The following PLEKHG3 variants were observed in gnomAD, a reference collection of about 807,000 sequenced individuals.
PLEKHG3 encodes the protein pleckstrin homology domain-containing family G member 3.
In PLEKHG3, 62 loss-of-function variants were observed where a neutral mutation model predicts 94.9. That is an observed-to-expected ratio of 0.65 (90% CI 0.53 to 0.81). PLEKHG3 has a LOEUF of 0.81. Among genes scored for constraint, PLEKHG3 ranks in the 30% least tolerant of loss-of-function variants. PLEKHG3 has a pLI of 0.00. For synonymous variants in PLEKHG3, 614 were observed against 654.0 expected (o/e 0.94, Z 0.93); for missense variants, 1,461 against 1,619.3 (o/e 0.90, Z 1.68).
Position 64,730,142 on chromosome 14 carries a change from G to C in PLEKHG3, c.450-101G>C. 2.9e-6 allele frequency: 2 copies of C among 681,070 alleles called. No individual in the cohort carries two copies. The highest frequency in any genetic ancestry group is 5.2e-6 in the Non-Finnish European group (2 of 383,636). The allele number at this position is 681,070 out of a possible 1,614,324, so 42.2% of individuals were successfully genotyped here. A position where few individuals can be genotyped will look rare whatever the true frequency, so the allele number is the denominator to read the frequency against. ...GCCCCAGTTCTTTAGCAAAGCAATA[G>C]GGCTGGCTGTCAGTCAGGGTTTGGG... On this transcript the variant is annotated intron_variant, in intron 3 of 16. Coordinates refer to ENST00000247226, the MANE Select transcript of PLEKHG3 (RefSeq NM_001308147.2). The surrounding 1 kb of genome is among the most constrained non-coding windows in gnomAD (Gnocchi z 5.4).
rs750299288 is a variant in PLEKHG3, at chr14:64,731,720, T to A, written c.1039T>A (p.Ser347Thr). 2.5e-6 allele frequency: 4 copies of A among 1,612,484 alleles called. No homozygotes were observed. The highest frequency in any genetic ancestry group is 3.4e-6 in the Non-Finnish European group (4 of 1,178,596). ...CCTTTCCCTCTGCCCCTAGTGCTCC[T>A]CCCTGATGCTGATCGAAAGCACCAG... is the stretch of plus-strand genomic sequence containing the variant. Reference protein sequence around the residue: ...FVYKGNIPCSSLMLIESTRDS... With the variant: ...FVYKGNIPCSTLMLIESTRDS... The change falls in exon 9 of 17, where the codon TCC becomes ACC. Residue 347 changes from serine to threonine, a missense_variant. Transcript: ENST00000247226. The surrounding 1 kb of genome is among the most constrained non-coding windows in gnomAD (Gnocchi z 6.1).
In PLEKHG3 at chr14:64,739,058, G is replaced by T. The variant is rs1469864175; in HGVS notation, c.1518+203G>T. On this transcript the variant is annotated intron_variant, in intron 15 of 16. Coordinates refer to ENST00000247226, the MANE Select transcript of PLEKHG3 (RefSeq NM_001308147.2). This position sits in a 1 kb window ranked among gnomAD's most constrained non-coding sequence, Gnocchi z 4.1. ...TGGTGAGCAGACCACCCCTTTCTAT[G>T]AAGTAGAGAAAGGCTCCCCTTTGGG... 6.6e-6 allele frequency among the ~76,000 whole-genome samples: 1 copy of T among 152,172 alleles called. No homozygotes were observed. The highest frequency in any genetic ancestry group is 1.5e-5 in the Non-Finnish European group (1 of 68,018).
At position 64,748,746 on chromosome 14, in the gene PLEKHG3, T is replaced by C. The variant is rs2081889550; in HGVS notation, c.*5043T>C. 1 of 154,504 alleles carries C rather than the reference T, an allele frequency of 6.5e-6. No individual in the cohort carries two copies. Among genetic ancestry groups the C allele is most frequent in the Middle Eastern group, 3.3e-3 (1 of 300 alleles). The allele number at this position is 154,504 out of a possible 1,614,324, so 9.6% of individuals were successfully genotyped here. On this transcript the variant is annotated 3_prime_UTR_variant, in exon 17 of 17. Transcript: ENST00000247226. Reference sequence around the variant, plus strand: ...GGTCCCCTCAGCCCCCCAGAGCCCCTGGCCCAGAGCTAGGGCTTTGTGGGC... The same window carrying C: ...GGTCCCCTCAGCCCCCCAGAGCCCCCGGCCCAGAGCTAGGGCTTTGTGGGC...
Position 64,726,286 on chromosome 14 carries a change from C to A in PLEKHG3, c.-39-1307C>A, listed in dbSNP as rs1270030339. Among the ~76,000 whole-genome samples, 1 of 152,102 alleles carries A rather than the reference C, an allele frequency of 6.6e-6. No individual in the cohort carries two copies. ...CCAGAGTAATGGCAGCTTCTAGATTCTTCTCCTTGTAGCTCAAGTCTCTGC... is the reference window on the plus strand; with the variant it reads ...CCAGAGTAATGGCAGCTTCTAGATTATTCTCCTTGTAGCTCAAGTCTCTGC... On this transcript the variant is annotated intron_variant, in intron 1 of 16. Transcript: ENST00000247226. The surrounding 1 kb of genome is among the most constrained non-coding windows in gnomAD (Gnocchi z 5.1).
chr14:64,716,087 A>C lies in PLEKHG3; in HGVS notation c.-40+11383A>C, dbSNP rs1191848351. On this transcript the variant is annotated intron_variant, in intron 1 of 16. Coordinates refer to ENST00000247226, the MANE Select transcript of PLEKHG3 (RefSeq NM_001308147.2). The surrounding 1 kb of genome is among the most constrained non-coding windows in gnomAD (Gnocchi z 5.0). ...TGCCCGGATGGGAGCTCTCCTGAGG[A>C]AAGCGGTAGGTACCCGGCTGGGGCC... The C allele has an allele frequency of 4.4e-6, 2 of 455,924 alleles. No individual in the cohort carries two copies. The highest frequency in any genetic ancestry group is 4.0e-5 in the African/African-American group (2 of 50,042). The allele number at this position is 455,924 out of a possible 1,614,324, so 28.2% of individuals were successfully genotyped here.
At position 64,732,318 on chromosome 14, in the gene PLEKHG3, C is replaced by A. The variant is rs1207977184; in HGVS notation, c.1213-109C>A. ...GTGTCAGTACAGCAGATGCCCCGGG[C>A]CTTGGTGCAGCACTGTGGGGTGTCC... On this transcript the variant is annotated intron_variant, in intron 10 of 16. Transcript: ENST00000247226. The surrounding 1 kb of genome is among the most constrained non-coding windows in gnomAD (Gnocchi z 4.9). 2 of 1,250,488 alleles carry A rather than the reference C, an allele frequency of 1.6e-6. No individual in the cohort carries two copies. The highest frequency in any genetic ancestry group is 1.2e-6 in the Non-Finnish European group (1 of 850,718). 77.5% of individuals were successfully genotyped at this position (1,250,488 alleles called of 1,614,324 possible). A position where few individuals can be genotyped will look rare whatever the true frequency, so the allele number is the denominator to read the frequency against.
Position 64,732,545 on chromosome 14 carries a change from A to G in PLEKHG3, c.1246+85A>G. 3 of 1,260,012 alleles carry G rather than the reference A, an allele frequency of 2.4e-6. No individual in the cohort carries two copies. The highest frequency in any genetic ancestry group is 2.4e-5 in the South Asian group (2 of 83,572). 78.1% of individuals were successfully genotyped at this position (1,260,012 alleles called of 1,614,324 possible). A position where few individuals can be genotyped will look rare whatever the true frequency, so the allele number is the denominator to read the frequency against. ...GCATCCTGGGGAAGCTTTACCTGATAATTTTATTCCAGGAGCAGGGAGGGC... is the reference window on the plus strand; with the variant it reads ...GCATCCTGGGGAAGCTTTACCTGATGATTTTATTCCAGGAGCAGGGAGGGC... On this transcript the variant is annotated intron_variant, in intron 11 of 16. Transcript: ENST00000247226. The surrounding 1 kb of genome is among the most constrained non-coding windows in gnomAD (Gnocchi z 4.9).
chr14:64,734,668 T>C (rs2081536203), intron 12 of PLEKHG3, among the ~76,000 whole-genome samples: 2 of 152,200 alleles, frequency 1.3e-5, no homozygotes, highest in Non-Finnish European at 2.9e-5. Context: ...AAAAAATATT[T>C]AAAAAATGTT....
intron 1 of PLEKHG3, among the ~76,000 whole-genome samples, chr14:64,719,392 T>C (rs2081225823): frequency 6.6e-6 from 1 of 151,938 alleles, no homozygotes; most frequent in Admixed American, 6.6e-5. Context: ...ATGTACGGGT[T>C]ACTTACTTGT....
intron 1 of PLEKHG3, among the ~76,000 whole-genome samples, chr14:64,706,765 G>A (rs1266217135): frequency 3.9e-5 from 6 of 152,230 alleles, no homozygotes; most frequent in Admixed American, 3.3e-4. Context: ...CAAAGGCCAC[G>A]GCCTGCGGGA....
chr14:64,749,217 G>T lies in PLEKHG3; in HGVS notation c.*5514G>T, dbSNP rs943722034. 6.8e-7 allele frequency: 1 copy of T among 1,473,402 alleles called. No homozygotes were observed. Among genetic ancestry groups the T allele is most frequent in the South Asian group, 1.2e-5 (1 of 82,188 alleles). The allele number at this position is 1,473,402 out of a possible 1,614,324, so 91.3% of individuals were successfully genotyped here. ...CCCGCGACTCGACTCATCTCGATTC[G>T]ACCGGCGGGCGGCGGCGAGAGGAGG... On this transcript the variant is annotated 3_prime_UTR_variant, in exon 17 of 17. Transcript: ENST00000247226. The surrounding 1 kb of genome is among the most constrained non-coding windows in gnomAD (Gnocchi z 4.7).
chr14:64,729,516 G>A (rs1179887708), intron 3 of PLEKHG3, among the ~76,000 whole-genome samples: 1 of 152,170 alleles, frequency 6.6e-6, no homozygotes. Context: ...CACAACCCAG[G>A]CAAGACACAT....
rs760782635 is a variant in PLEKHG3, at chr14:64,743,337, C to T, written c.3294C>T (p.Cys1098=). Residue 1098 remains cysteine, a synonymous_variant, in exon 17 of 17, where the codon TGC becomes TGT. Coordinates refer to ENST00000247226, the MANE Select transcript of PLEKHG3 (RefSeq NM_001308147.2). The surrounding 1 kb of genome is among the most constrained non-coding windows in gnomAD (Gnocchi z 7.2). ...EPPLSGRVGR[C]RSLSTKRGRG... ...CTCTGTCGGGCAGGGTGGGCCGCTG[C>T]CGCAGCCTGAGCACCAAGAGGGGCC... 6.2e-7 allele frequency: 1 copy of T among 1,607,184 alleles called. No homozygotes were observed. Among genetic ancestry groups the T allele is most frequent in the Non-Finnish European group, 8.5e-7 (1 of 1,177,400 alleles).
Position 64,705,087 on chromosome 14 carries a change from T to C in PLEKHG3, c.-40+383T>C, listed in dbSNP as rs1390097672. ...TGTGGGCCTGGCGGGTGGACCCTTC[T>C]GCGCGAGGACCCGAGCCTCGGCTCC... is the stretch of plus-strand genomic sequence containing the variant. On this transcript the variant is annotated intron_variant, in intron 1 of 16. Transcript: ENST00000247226. 5.3e-5 allele frequency among the ~76,000 whole-genome samples: 8 copies of C among 152,180 alleles called. No homozygotes were observed. The East Asian group carries it at 1.5e-3, about 29-fold the overall frequency.
In PLEKHG3 at chr14:64,742,063, T is replaced by C. The variant is rs547912920; in HGVS notation, c.2546T>C (p.Leu849Pro). The change falls in exon 16 of 17, where the codon CTG becomes CCG. Residue 849 changes from leucine (L) to proline (P), a missense_variant. This residue lies in a region of PLEKHG3 where 1,201 missense variants were observed against 1,295.5 expected (regional missense o/e 0.93). Transcript: ENST00000247226. ...GACCTGCATGAGCCACTCTTCATCCTGGAGGAGCATGAGCTGGGAGCCATC... is the reference window on the plus strand; with the variant it reads ...GACCTGCATGAGCCACTCTTCATCCCGGAGGAGCATGAGCTGGGAGCCATC... ...GFDLHEPLFILEEHELGAITE... is the reference protein window; with the variant it reads ...GFDLHEPLFIPEEHELGAITE... The C allele has an allele frequency of 6.2e-7, 1 of 1,606,824 alleles. No individual in the cohort carries two copies. Among genetic ancestry groups the C allele is most frequent in the East Asian group, 2.2e-5 (1 of 44,742 alleles).
At position 64,749,088 on chromosome 14, in the gene PLEKHG3, C is replaced by G. The variant is rs2081897898; in HGVS notation, c.*5385C>G. 2 of 494,510 alleles carry G rather than the reference C, an allele frequency of 4.0e-6. No homozygotes were observed. The highest frequency in any genetic ancestry group is 7.0e-6 in the Non-Finnish European group (2 of 283,862). 30.6% of individuals were successfully genotyped at this position (494,510 alleles called of 1,614,324 possible). A position where few individuals can be genotyped will look rare whatever the true frequency, so the allele number is the denominator to read the frequency against. On this transcript the variant is annotated 3_prime_UTR_variant, in exon 17 of 17. Coordinates refer to ENST00000247226, the MANE Select transcript of PLEKHG3 (RefSeq NM_001308147.2). This position sits in a 1 kb window ranked among gnomAD's most constrained non-coding sequence, Gnocchi z 4.7. ...CGCCAGAGGAGCTGGGAGCCCCTGT[C>G]CCTGGAGCGGAGCCAGCGCGGGCGA...
At position 64,750,205 on chromosome 14, in the gene PLEKHG3, A is replaced by G. The variant is rs1322092459; in HGVS notation, c.*6502A>G. On this transcript the variant is annotated 3_prime_UTR_variant, in exon 17 of 17. Transcript: ENST00000247226. ...ACCCACATCCTGATATGGTATCTCT[A>G]GAGTCAATTCCTATAGCTTCACCAT... is the stretch of plus-strand genomic sequence containing the variant. The G allele has an allele frequency of 1.9e-6, 3 of 1,581,052 alleles. No individual in the cohort carries two copies. Among genetic ancestry groups the G allele is most frequent in the South Asian group, 1.1e-5 (1 of 87,776 alleles).
rs767358338 is a variant in PLEKHG3, at chr14:64,741,466, G to C, written c.1949G>C (p.Gly650Ala). Residue 650 changes from glycine to alanine, a missense_variant, in exon 16 of 17, where the codon GGC (glycine) becomes GCC (alanine). Physicochemically the swap from Gly to Ala is moderately conservative, Grantham distance 60. Coordinates refer to ENST00000247226, the MANE Select transcript of PLEKHG3 (RefSeq NM_001308147.2). ...SVLSLEGSEKGLARHGSATDS... is the reference protein window; with the variant it reads ...SVLSLEGSEKALARHGSATDS... ...CTCAGCCTGGAGGGCAGCGAGAAGGGCCTGGCCCGGCATGGCAGTGCCACA... is the reference window on the plus strand; with the variant it reads ...CTCAGCCTGGAGGGCAGCGAGAAGGCCCTGGCCCGGCATGGCAGTGCCACA... 1.8e-5 allele frequency: 29 copies of C among 1,612,578 alleles called. No homozygotes were observed. The highest frequency in any genetic ancestry group is 1.6e-4 in the Middle Eastern group (1 of 6,082).
rs531402629 is a variant in PLEKHG3, at chr14:64,739,778, T to C, written c.1518+923T>C. Among the ~76,000 whole-genome samples, 1 of 152,310 alleles carries C rather than the reference T, an allele frequency of 6.6e-6. No homozygotes were observed. Among genetic ancestry groups the C allele is most frequent in the African/African-American group, 2.4e-5 (1 of 41,562 alleles). ...AGGGGCAAGGAAGCTCCCTTGATCC[T>C]CATTTGTAAGGGATCTGACCCCACT... On this transcript the variant is annotated intron_variant, in intron 15 of 16. Coordinates refer to ENST00000247226, the MANE Select transcript of PLEKHG3 (RefSeq NM_001308147.2). The surrounding 1 kb of genome is among the most constrained non-coding windows in gnomAD (Gnocchi z 4.1).
Sources: allele counts gnomAD v4.1 joint callset (sites outside exome capture counted in the v4.1 genomes callset), GRCh38; gene constraint gnomAD v4.1.1; regional missense constraint gnomAD v4.1.1; non-coding constraint Gnocchi (gnomAD v3.1); transcripts MANE v1.5; gene names NCBI Gene and HGNC (gene_info 2026-07-23, HGNC 2026-07-21).